Variants in NYAP2 observed in about 807,000 individuals in gnomAD.
The protein encoded by NYAP2 is neuronal tyrosine-phosphorylated phosphoinositide-3-kinase adapter 2.
Under a neutral mutation model 50.4 loss-of-function variants are expected in NYAP2, and 23 were observed. That is an observed-to-expected ratio of 0.46 (90% CI 0.33 to 0.65). The LOEUF (loss-of-function observed/expected upper bound fraction) is 0.65, where lower values mean the gene tolerates loss of function less well. Ranked by LOEUF, NYAP2 falls within the 30% of genes least tolerant of loss-of-function variation. The pLI is 0.02. For missense variants in NYAP2, 885 were observed against 861.0 expected, an observed-to-expected ratio of 1.03 and a Z score of -0.35; for synonymous variants, 394 against 365.2, an observed-to-expected ratio of 1.08 and a Z score of -0.90.
chr2:225,601,059 C>T (rs980335575), intron 5 of NYAP2, among the ~76,000 whole-genome samples: 3 of 150,884 alleles, frequency 2.0e-5, no homozygotes, highest in Non-Finnish European at 4.4e-5. Flanking sequence ...ATCTCACTTT[C>T]TATTCTTTAG....
Position 225,405,248 on chromosome 2 carries a change from A to G in NYAP2, c.-17-3616A>G, listed in dbSNP as rs140540755. ...CTCTGTTGTCACAAATACCTCATGCACCAGTTAATGGTCCAGTAAGCCAGT... is the reference window on the plus strand; with the variant it reads ...CTCTGTTGTCACAAATACCTCATGCGCCAGTTAATGGTCCAGTAAGCCAGT... On this transcript the variant is annotated intron_variant, in intron 2 of 6. Coordinates refer to ENST00000636099, the Ensembl canonical transcript of NYAP2. 5.9e-3 allele frequency among the ~76,000 whole-genome samples: 896 copies of G among 152,120 alleles called. 6 individuals carry two copies. The highest frequency in any genetic ancestry group is 9.2e-3 in the Non-Finnish European group (622 of 67,942).
chr2:225,645,108 G>T (rs1041489475), intron 6 of NYAP2, among the ~76,000 whole-genome samples: 3 of 151,916 alleles, frequency 2.0e-5, no homozygotes, highest in African/African-American at 4.8e-5. Flanking sequence ...AAAAATACAG[G>T]TTAGCCGTCC....
the NYAP2 span, among the ~76,000 whole-genome samples, chr2:225,697,697 T>C: frequency 6.6e-6 from 1 of 151,938 alleles, no homozygotes; most frequent in East Asian, 1.9e-4. Flanking sequence ...AGGTAAATAT[T>C]TGGAAAATTG....
intron 5 of NYAP2, among the ~76,000 whole-genome samples, chr2:225,601,902 G>A (rs749077891): frequency 3.3e-4 from 50 of 152,128 alleles, no homozygotes; most frequent in Admixed American, 1.3e-3. Context: ...TCTCTACTTT[G>A]ACTGTTGTTG....
intron 6 of NYAP2, among the ~76,000 whole-genome samples, chr2:225,635,090 A>G (rs1407187303): frequency 6.6e-6 from 1 of 152,226 alleles, no homozygotes; most frequent in Non-Finnish European, 1.5e-5. Flanking sequence ...CCTGACAGCA[A>G]TAACTCAAAG....
At chr2:225,549,267 G>C (rs1430486855) in intron 4 of NYAP2, among the ~76,000 whole-genome samples, 1 of 152,106 alleles carries the variant, frequency 6.6e-6, no homozygotes, top group Non-Finnish European at 1.5e-5. Context: ...GCTTTATCTT[G>C]TCTCTACTTA....
intron 3 of NYAP2, among the ~76,000 whole-genome samples, chr2:225,418,690 A>G (rs557092735): frequency 6.6e-6 from 1 of 152,204 alleles, no homozygotes; most frequent in South Asian, 2.1e-4. Flanking sequence ...TGATTTGTTG[A>G]TATTTGTAAG....
intron 3 of NYAP2, among the ~76,000 whole-genome samples, chr2:225,503,425 AC>A (rs2106179025): frequency 6.6e-6 from 1 of 152,346 alleles, no homozygotes; most frequent in Non-Finnish European, 1.5e-5. Context: ...GTAGATAATA[AC>A]ATATGTTAAT....
the NYAP2 span, among the ~76,000 whole-genome samples, chr2:225,682,205 TA>T: frequency 6.6e-6 from 1 of 152,052 alleles, no homozygotes; most frequent in Non-Finnish European, 1.5e-5. Flanking sequence ...CCAAGAAAAA[TA>T]AGAATTGTTA....
intron 3 of NYAP2, among the ~76,000 whole-genome samples, chr2:225,473,199 A>T (rs1690041064): frequency 6.6e-6 from 1 of 152,168 alleles, no homozygotes; most frequent in Non-Finnish European, 1.5e-5. Context: ...TTCTTTATCC[A>T]GTCTATCATT....
intron 6 of NYAP2, among the ~76,000 whole-genome samples, chr2:225,628,016 G>C (rs958741359): frequency 1.3e-5 from 2 of 151,752 alleles, no homozygotes; most frequent in African/African-American, 4.8e-5. Context: ...AGACAGTCGT[G>C]CACAAGTTAA....
chr2:225,521,506 G>T (rs934498333), intron 4 of NYAP2, among the ~76,000 whole-genome samples: 1 of 152,158 alleles, frequency 6.6e-6, no homozygotes, highest in African/African-American at 2.4e-5. Context: ...TTTGTCGAAG[G>T]CCTTTTCTGC....
intron 4 of NYAP2, among the ~76,000 whole-genome samples, chr2:225,552,735 G>A (rs941410010): frequency 1.3e-5 from 2 of 152,186 alleles, no homozygotes; most frequent in African/African-American, 4.8e-5. Flanking sequence ...CTGTTGCCCA[G>A]GCTGGAGTGC....
chr2:225,626,370 G>A (rs1574717094), intron 5 of NYAP2, among the ~76,000 whole-genome samples: 1 of 152,286 alleles, frequency 6.6e-6, no homozygotes, highest in African/African-American at 2.4e-5. Flanking sequence ...ATGCATGGAG[G>A]ATGAGATGAT....
At chr2:225,417,205 G>A (rs868216778) in intron 3 of NYAP2, among the ~76,000 whole-genome samples, 1 of 152,176 alleles carries the variant, frequency 6.6e-6, no homozygotes, top group African/African-American at 2.4e-5. Flanking sequence ...ATGTCTCCTA[G>A]AGAATGTGTG....
chr2:225,667,559 G>A, the NYAP2 span, among the ~76,000 whole-genome samples: 110 of 152,256 alleles, frequency 7.2e-4, no homozygotes, highest in Non-Finnish European at 1.3e-3. Context: ...GCTGATTCAC[G>A]TAGAAAGTCA....
At chr2:225,477,698 GATACATACACAC>G (rs1409909094) in intron 3 of NYAP2, among the ~76,000 whole-genome samples, 4 of 151,992 alleles carry the variant, frequency 2.6e-5, no homozygotes, top group Non-Finnish European at 4.4e-5. Flanking sequence ...TGTTAGTTTA[GATACATACACAC>G]ATACATACAC....
Position 225,462,636 on chromosome 2 carries a change from C to T in NYAP2, c.222-50735C>T, listed in dbSNP as rs189306047. 1.7e-4 allele frequency among the ~76,000 whole-genome samples: 26 copies of T among 152,246 alleles called. 2 individuals are homozygous for T. In the East Asian group the frequency reaches 5.0e-3, roughly 29 times the overall value. ...GCCAGCTCCCAGGAAATGCAATTCC[C>T]CATAAACCACATTGAAATCCCTGAC... On this transcript the variant is annotated intron_variant, in intron 3 of 6. Transcript: ENST00000636099.
intron 5 of NYAP2, among the ~76,000 whole-genome samples, chr2:225,587,423 T>A (rs1692406628): frequency 1.3e-5 from 2 of 152,082 alleles, no homozygotes; most frequent in Non-Finnish European, 2.9e-5. Context: ...GGCACTAAGA[T>A]ACAAAAGACA....
Sources: gnomAD v4.1 joint callset for allele counts (sites outside exome capture counted in the v4.1 genomes callset) on GRCh38, gnomAD v4.1.1 for gene constraint, MANE v1.5 for transcripts, NCBI Gene and HGNC (gene_info 2026-07-23, HGNC 2026-07-21) for gene names.